Variants in LLGL2 observed in about 807,000 individuals in gnomAD.
The protein encoded by LLGL2 is LLGL scribble cell polarity complex component 2.
LLGL2 carries 81 observed loss-of-function variants against 123.2 expected under a neutral mutation model. That is an observed-to-expected ratio of 0.66 (90% CI 0.55 to 0.79). LLGL2 has a LOEUF of 0.79. Among genes scored for constraint, LLGL2 ranks in the 30% least tolerant of loss-of-function variants. LLGL2 has a pLI of 0.00. For synonymous variants in LLGL2, 577 were observed against 594.1 expected, an observed-to-expected ratio of 0.97 and a Z score of 0.42; for missense variants, 1,273 against 1,414.6, an observed-to-expected ratio of 0.90 and a Z score of 1.61.
chr17:75,543,200 A>T, intron 1 of LLGL2, 197 bp from the exon 2 acceptor site: 1 of 367,852 alleles, frequency 2.7e-6, no homozygotes, highest in Non-Finnish European at 4.9e-6. Context: ...GACAGCCTTC[A>T]GCCCTGAGGT....
At chr17:75,541,316 C>T (rs1192706646) in intron 1 of LLGL2, among the ~76,000 whole-genome samples, 1 of 152,236 alleles carries the variant, frequency 6.6e-6, no homozygotes, top group African/African-American at 2.4e-5. Context: ...TTGGCCTGGG[C>T]CCCGGGTGGG....
Position 75,556,066 on chromosome 17 carries a change from G to T in LLGL2, c.96G>T (p.Pro32=), listed in dbSNP as rs372327675. The change falls in exon 3 of 26, where the codon CCG becomes CCT. Residue 32 remains proline, a synonymous_variant. Coordinates refer to ENST00000392550, the MANE Select transcript of LLGL2 (RefSeq NM_001031803.2). ...QFNKTVEHGF[P]HQPSALGYSP... ...TGCAGACGGTGGAGCATGGCTTCCC[G>T]CACCAGCCCAGCGCCCTCGGCTACA... is the stretch of plus-strand genomic sequence containing the variant. 1 of 1,609,064 alleles carries T rather than the reference G, an allele frequency of 6.2e-7. No homozygotes were observed. The highest frequency in any genetic ancestry group is 2.2e-5 in the East Asian group (1 of 44,856).
intron 1 of LLGL2, among the ~76,000 whole-genome samples, chr17:75,540,187 G>A (rs2054155758): frequency 6.6e-6 from 1 of 152,184 alleles, no homozygotes; most frequent in South Asian, 2.1e-4. Context: ...TCCAGGAATG[G>A]GCTGAGTAGG....
intron 10 of LLGL2, among the ~76,000 whole-genome samples, chr17:75,566,731 T>G (rs565519650): frequency 3.8e-4 from 58 of 152,242 alleles, no homozygotes; most frequent in African/African-American, 1.3e-3. Context: ...ACGTGAGGGT[T>G]TGCTGGGAGC....
At chr17:75,562,576 C>A (rs1568058743) in intron 6 of LLGL2, 2 of 193,608 alleles carry the variant, frequency 1.0e-5, no homozygotes, top group Non-Finnish European at 2.2e-5. Context: ...ATCTTTCTTT[C>A]TTTTTTTTTG....
intron 8 of LLGL2, 98 bp downstream of exon 8, chr17:75,563,561 G>T: frequency 1.3e-6 from 2 of 1,555,050 alleles, no homozygotes; most frequent in Non-Finnish European, 8.8e-7. Flanking sequence ...GCCAGAGAGG[G>T]TAAAGGCTTT....
At chr17:75,547,889 G>C (rs551360301) in intron 2 of LLGL2, among the ~76,000 whole-genome samples, 110 of 152,196 alleles carry the variant, frequency 7.2e-4, no homozygotes, top group African/African-American at 2.5e-3. Context: ...AGGGGAGGAA[G>C]TGTAGGTGAA....
At chr17:75,574,023 C>T (rs764785017) in intron 22 of LLGL2, 43 bp downstream of exon 22, 9 of 1,550,030 alleles carry the variant, frequency 5.8e-6, no homozygotes, top group African/African-American at 4.1e-5. Context: ...GGGCCACACC[C>T]GGCCCAGACC....
At chr17:75,573,674 T>TCCCGC in intron 21 of LLGL2, 43 bp downstream of exon 21, 1 of 938,862 alleles carries the variant, frequency 1.1e-6, no homozygotes, top group Non-Finnish European at 1.4e-6. Flanking sequence ...CTCCCGCCCC[T>TCCCGC]CCCTGCCCTC....
intron 2 of LLGL2, among the ~76,000 whole-genome samples, chr17:75,545,964 C>A (rs1167879779): frequency 6.6e-6 from 1 of 152,134 alleles, no homozygotes; most frequent in Non-Finnish European, 1.5e-5. Context: ...TAGTCCTACC[C>A]ACTAGATGCC....
At chr17:75,548,755 C>CAA (rs35218854) in intron 2 of LLGL2, among the ~76,000 whole-genome samples, 2 of 132,060 alleles carry the variant, frequency 1.5e-5, no homozygotes, top group African/African-American at 2.7e-5. Flanking sequence ...GATTCTGTCT[C>CAA]AAAAAAAAAA....
At chr17:75,554,605 T>C (rs2054821623) in intron 2 of LLGL2, among the ~76,000 whole-genome samples, 1 of 147,808 alleles carries the variant, frequency 6.8e-6, no homozygotes, top group Admixed American at 6.8e-5. Context: ...GGCAACAGAG[T>C]GAGACCCTCA....
chr17:75,544,164 G>A lies in LLGL2; in HGVS notation c.75+663G>A, dbSNP rs2054322408. 6.6e-6 allele frequency among the ~76,000 whole-genome samples: 1 copy of A among 152,228 alleles called. No individual in the cohort carries two copies. The stretch of plus-strand genomic sequence containing the variant: ...GTCAGGACGGGCCTGTACGCAGGAG[G>A]CGTGCAGTGTGGCTCTTCAGCTCCC... On this transcript the variant is annotated intron_variant, in intron 2 of 25. Transcript: ENST00000392550. The surrounding 1 kb of genome is among the most constrained non-coding windows in gnomAD (Gnocchi z 4.2).
intron 10 of LLGL2, among the ~76,000 whole-genome samples, chr17:75,567,662 C>T (rs2055502890): frequency 6.6e-6 from 1 of 150,710 alleles, no homozygotes; most frequent in Non-Finnish European, 1.5e-5. Context: ...AAAAAAAAGA[C>T]TGGGCACAGT....
At chr17:75,555,063 G>T (rs1568044577) in intron 2 of LLGL2, among the ~76,000 whole-genome samples, 1 of 149,732 alleles carries the variant, frequency 6.7e-6, no homozygotes, top group African/African-American at 2.5e-5. Context: ...TGTAGTACCA[G>T]CTACTCGGAA....
chr17:75,567,965 A>AT, intron 10 of LLGL2: 3 of 688,688 alleles, frequency 4.4e-6, no homozygotes, highest in East Asian at 1.3e-4. Flanking sequence ...AAAAAAAAAA[A>AT]GACAAATGGT....
intron 17 of LLGL2, 122 bp from the exon 18 acceptor site, chr17:75,571,545 G>A (rs557605436): frequency 2.7e-6 from 2 of 731,458 alleles, no homozygotes; most frequent in Non-Finnish European, 4.7e-6. Context: ...TGGGGCCTGT[G>A]TGGTTGTCAG....
intron 1 of LLGL2, among the ~76,000 whole-genome samples, chr17:75,527,354 C>T (rs1016954910): frequency 6.6e-6 from 1 of 152,054 alleles, no homozygotes; most frequent in East Asian, 1.9e-4. Flanking sequence ...AGCTCTTAAG[C>T]TTCTAATCAG....
In LLGL2 at chr17:75,568,795, C is replaced by T; in HGVS notation, c.1278C>T (p.Thr426=). ...STMEWPIDGG[T]SLTPAPPQRD... ...AGGAGTGGCCAATTGATGGTGGCAC[C>T]AGCCTGACCCCAGCCCCACCCCAGA... The change falls in exon 12 of 26, where the codon ACC becomes ACT. Residue 426 remains threonine (T), a synonymous_variant. Transcript: ENST00000392550. 1.2e-6 allele frequency: 2 copies of T among 1,602,336 alleles called. No homozygotes were observed. Among genetic ancestry groups the T allele is most frequent in the Non-Finnish European group, 1.7e-6 (2 of 1,173,296 alleles).
Sources: gnomAD v4.1 joint callset for allele counts (sites outside exome capture counted in the v4.1 genomes callset) on GRCh38, gnomAD v4.1.1 for gene constraint, Gnocchi (gnomAD v3.1) non-coding constraint, MANE v1.5 for transcripts, NCBI Gene and HGNC (gene_info 2026-07-23, HGNC 2026-07-21) for gene names.